Variants in NRG1 observed in about 807,000 individuals in gnomAD.
NRG1 encodes neuregulin 1, also known as pro-neuregulin-1, membrane-bound isoform.
NRG1 carries 18 observed loss-of-function variants against 63.8 expected under a neutral mutation model. That is an observed-to-expected ratio of 0.28 (90% CI 0.19 to 0.42). The LOEUF (loss-of-function observed/expected upper bound fraction) is 0.42. NRG1 is among the 10% of genes least tolerant of loss of function. The pLI, the probability that NRG1 is intolerant of heterozygous loss-of-function variation, is 1.00. For missense variants in NRG1, 762 were observed against 814.7 expected, an observed-to-expected ratio of 0.94 and a Z score of 0.79; for synonymous variants, 302 against 301.3, an observed-to-expected ratio of 1.00 and a Z score of -0.02.
intron 1 of NRG1, among the ~76,000 whole-genome samples, chr8:31,742,710 G>A (rs1463178658): frequency 1.3e-5 from 2 of 151,840 alleles, no homozygotes; most frequent in Non-Finnish European, 2.9e-5. Flanking sequence ...ATAAGTAGCA[G>A]CTCATTTTCA....
intron 1 of NRG1, among the ~76,000 whole-genome samples, chr8:31,697,974 C>G (rs2131170699): frequency 6.6e-6 from 1 of 151,462 alleles, no homozygotes; most frequent in African/African-American, 2.4e-5. Context: ...ACCTGAATCG[C>G]ATTTTTCTCC....
intron 1 of NRG1, among the ~76,000 whole-genome samples, chr8:32,404,227 C>T (rs557656673): frequency 1.4e-4 from 21 of 152,216 alleles, no homozygotes; most frequent in African/African-American, 4.6e-4. Flanking sequence ...TCCACAGCTG[C>T]AGTGGTACCC....
At chr8:32,716,575 G>GA (rs1315143743) in intron 5 of NRG1, among the ~76,000 whole-genome samples, 3 of 152,106 alleles carry the variant, frequency 2.0e-5, no homozygotes, top group Non-Finnish European at 2.9e-5. Flanking sequence ...GTGCTACCAG[G>GA]AAAAAACTAA....
chr8:32,230,483 G>A (rs1189711689), intron 1 of NRG1, among the ~76,000 whole-genome samples: 1 of 152,120 alleles, frequency 6.6e-6, no homozygotes, highest in Non-Finnish European at 1.5e-5. Flanking sequence ...CCCATGGCAA[G>A]GAAGAAATTG....
In NRG1 at chr8:31,712,970, TGTCC is replaced by T. The variant is rs369932150; in HGVS notation, c.37+73540_37+73543del. Among the ~76,000 whole-genome samples the T allele has an allele frequency of 6.2e-4, 92 of 148,140 alleles. 1 individual carries two copies. Among genetic ancestry groups the T allele is most frequent in the Middle Eastern group, 3.6e-3 (1 of 280 alleles). ...TCAATCAATCAATCAGTCATCTCTC[TGTCC>T]ATCCATCCACCCATCCATCCATCCA... On this transcript the variant is annotated intron_variant, in intron 1 of 10. Transcript: ENST00000519301.
chr8:32,377,019 A>G (rs561282400), intron 1 of NRG1, among the ~76,000 whole-genome samples: 7 of 152,308 alleles, frequency 4.6e-5, no homozygotes, highest in African/African-American at 1.7e-4. Flanking sequence ...CCTCAACCAC[A>G]TTTTTACAGT....
chr8:31,702,466 C>A (rs549202614), intron 1 of NRG1, among the ~76,000 whole-genome samples: 116 of 123,388 alleles, frequency 9.4e-4, no homozygotes, highest in African/African-American at 2.9e-3. Flanking sequence ...TTTTTTTTTG[C>A]AGACTTTTCA....
At chr8:32,390,437 G>A (rs13257009) in intron 1 of NRG1, among the ~76,000 whole-genome samples, 62,839 of 151,260 alleles carry the variant, frequency 0.42, 13,285 homozygotes, top group Admixed American at 0.46. Context: ...ACAACCAGGC[G>A]TGGTGATGAG....
chr8:32,515,870 G>A lies in NRG1; in HGVS notation c.38-79958G>A, dbSNP rs975504396. Among the ~76,000 whole-genome samples the A allele has an allele frequency of 3.3e-5, 5 of 152,126 alleles. No individual in the cohort carries two copies. In the South Asian group the frequency reaches 6.2e-4, roughly 19 times the overall value. On this transcript the variant is annotated intron_variant, in intron 1 of 10. Transcript: ENST00000519301. The stretch of plus-strand genomic sequence containing the variant: ...TTCTCCCATTCTGTAGGTTGTCTGT[G>A]TACTCTGTCAATTGTTTCTTTTCCT...
At chr8:32,001,447 T>G (rs527420084) in intron 1 of NRG1, among the ~76,000 whole-genome samples, 17 of 152,020 alleles carry the variant, frequency 1.1e-4, no homozygotes, top group Non-Finnish European at 2.2e-4. Context: ...GAACTGTGAG[T>G]CTATTAGACC....
chr8:31,993,524 T>C (rs537967105), intron 1 of NRG1, among the ~76,000 whole-genome samples: 1 of 151,962 alleles, frequency 6.6e-6, no homozygotes, highest in Non-Finnish European at 1.5e-5. Flanking sequence ...GATTTGATGG[T>C]TTTATAAAAG....
At chr8:32,014,594 A>G (rs1815217811) in intron 1 of NRG1, among the ~76,000 whole-genome samples, 1 of 152,040 alleles carries the variant, frequency 6.6e-6, no homozygotes, top group African/African-American at 2.4e-5. Context: ...GGTGCAAAGA[A>G]GCTTGTGCAT....
chr8:32,126,835 G>A (rs754116049), intron 1 of NRG1, among the ~76,000 whole-genome samples: 2 of 151,828 alleles, frequency 1.3e-5, no homozygotes, highest in African/African-American at 2.4e-5. Context: ...GCTGTGCATT[G>A]CCAGCTTCCA....
intron 1 of NRG1, among the ~76,000 whole-genome samples, chr8:32,276,266 A>G (rs1852086565): frequency 6.6e-6 from 1 of 152,136 alleles, no homozygotes; most frequent in South Asian, 2.1e-4. Context: ...AATTTATTTT[A>G]GCTTCTACAT....
intron 1 of NRG1, among the ~76,000 whole-genome samples, chr8:32,181,898 G>T (rs1841466829): frequency 6.6e-6 from 1 of 152,138 alleles, no homozygotes; most frequent in South Asian, 2.1e-4. Context: ...TGAATAATGT[G>T]CTGGGAGATT....
intron 1 of NRG1, among the ~76,000 whole-genome samples, chr8:31,819,743 A>G (rs1276006748): frequency 6.6e-6 from 1 of 152,182 alleles, no homozygotes; most frequent in African/African-American, 2.4e-5. Flanking sequence ...ACCTGAGCCA[A>G]TTTCCTCTTG....
At chr8:31,820,309 G>A (rs190611290) in intron 1 of NRG1, among the ~76,000 whole-genome samples, 1 of 152,224 alleles carries the variant, frequency 6.6e-6, no homozygotes, top group Non-Finnish European at 1.5e-5. Context: ...GGGCACATCT[G>A]CCCTTCCTCC....
chr8:32,415,834 A>T (rs145823683), intron 1 of NRG1, among the ~76,000 whole-genome samples: 432 of 152,294 alleles, frequency 2.8e-3, no homozygotes, highest in Non-Finnish European at 4.5e-3. Flanking sequence ...CCCTATTGAA[A>T]ATCATGGCTG....
chr8:32,447,885 C>T (rs2129487884), intron 1 of NRG1, among the ~76,000 whole-genome samples: 1 of 151,422 alleles, frequency 6.6e-6, no homozygotes, highest in Non-Finnish European at 1.5e-5. Flanking sequence ...AACAGTTTTT[C>T]TATAACGGAT....
Sources: allele counts gnomAD v4.1 joint callset (sites outside exome capture counted in the v4.1 genomes callset), GRCh38; gene constraint gnomAD v4.1.1; transcripts MANE v1.5; gene names NCBI Gene and HGNC (gene_info 2026-07-23, HGNC 2026-07-21).